MCPH1: variants seen among roughly 807,000 people sequenced by gnomAD.
MCPH1 encodes the protein microcephalin.
MCPH1 carries 104 observed loss-of-function variants against 84.5 expected under a neutral mutation model. The ratio of observed to expected loss-of-function variants is 1.23; its 90% CI spans 1.05 to 1.45. MCPH1 has a LOEUF of 1.45. Ranked by LOEUF, MCPH1 falls within the 40% of genes most tolerant of loss-of-function variation. MCPH1 has a pLI of 0.00. For synonymous variants in MCPH1, 514 were observed against 366.8 expected (o/e 1.40, Z -4.58); for missense variants, 1,498 against 1,005.7 (o/e 1.49, Z -6.62).
At chr8:6,492,804 GTAAT>G (rs1293063559) in intron 11 of MCPH1, among the ~76,000 whole-genome samples, 6 of 150,886 alleles carry the variant, frequency 4.0e-5, no homozygotes, top group South Asian at 4.2e-4. Context: ...ATTGAGTTAA[GTAAT>G]TAATTGATTA....
chr8:6,560,431 AAAAC>A (rs749097385), intron 12 of MCPH1, among the ~76,000 whole-genome samples: 2 of 152,206 alleles, frequency 1.3e-5, no homozygotes, highest in African/African-American at 4.8e-5. Flanking sequence ...ACACAGGAGA[AAAAC>A]AAACAGTGAG....
intron 13 of MCPH1, among the ~76,000 whole-genome samples, chr8:6,630,853 T>C (rs1459994000): frequency 2.0e-5 from 3 of 151,432 alleles, no homozygotes; most frequent in Non-Finnish European, 4.4e-5. Flanking sequence ...AGTAACAATT[T>C]GAAAAAGTCA....
At chr8:6,626,180 C>T (rs1467339801) in intron 13 of MCPH1, 2 of 985,232 alleles carry the variant, frequency 2.0e-6, no homozygotes, top group Admixed American at 6.1e-5. Flanking sequence ...CCTCAGCTCG[C>T]CCGCCACCCC....
chr8:6,514,667 A>G (rs770598409), intron 12 of MCPH1: 1 of 1,612,136 alleles, frequency 6.2e-7, no homozygotes, highest in African/African-American at 1.3e-5. Flanking sequence ...GCCTTAAAGA[A>G]TGTCCTTACC....
chr8:6,623,941 G>A (rs1337963242), intron 13 of MCPH1, among the ~76,000 whole-genome samples: 1 of 152,232 alleles, frequency 6.6e-6, no homozygotes. Context: ...TATCCACAGT[G>A]CATATCAACA....
At chr8:6,418,683 G>T (rs150478679) in intron 3 of MCPH1, among the ~76,000 whole-genome samples, 57 of 152,220 alleles carry the variant, frequency 3.7e-4, no homozygotes, top group African/African-American at 1.2e-3. Flanking sequence ...CCCTGGTTCA[G>T]CGATTCTCCT....
intron 11 of MCPH1, among the ~76,000 whole-genome samples, chr8:6,488,670 A>C (rs968789146): frequency 3.9e-5 from 6 of 152,262 alleles, no homozygotes; most frequent in African/African-American, 1.4e-4. Context: ...GGGAGTGAGG[A>C]GGACAGGTGT....
In MCPH1 at chr8:6,645,651, T is replaced by A. The variant is rs935050608; in HGVS notation, c.*2602T>A. ...AGCCCTACAAGAACTTATAACAAGT[T>A]TAGCAAGATTGCAATATACAATCTT... On this transcript the variant is annotated 3_prime_UTR_variant, in exon 14 of 14. Transcript: ENST00000344683. The A allele has an allele frequency of 6.8e-6, 1 of 146,182 alleles. No homozygotes were observed. Among genetic ancestry groups the A allele is most frequent in the African/African-American group, 2.5e-5 (1 of 39,726 alleles). 9.1% of individuals were successfully genotyped at this position (146,182 alleles called of 1,614,324 possible).
intron 12 of MCPH1, chr8:6,562,756 T>C: frequency 1.9e-6 from 3 of 1,613,878 alleles, no homozygotes; most frequent in South Asian, 1.1e-5. Context: ...ATTGGACACG[T>C]AGGGGCTGGA....
chr8:6,615,028 C>G (rs1467730161), intron 12 of MCPH1, among the ~76,000 whole-genome samples: 4 of 152,234 alleles, frequency 2.6e-5, no homozygotes, highest in Non-Finnish European at 5.9e-5. Context: ...TCCCCAGTAA[C>G]CACGCTCACA....
intron 12 of MCPH1, among the ~76,000 whole-genome samples, chr8:6,583,799 C>T (rs1202159930): frequency 6.8e-6 from 1 of 147,832 alleles, no homozygotes; most frequent in Admixed American, 6.8e-5. Context: ...AATAGAGCCT[C>T]ATGGTCTCGG....
intron 8 of MCPH1, among the ~76,000 whole-genome samples, chr8:6,453,912 G>A (rs1805384861): frequency 6.6e-6 from 1 of 152,048 alleles, no homozygotes; most frequent in Non-Finnish European, 1.5e-5. Flanking sequence ...GTAGGTTTGT[G>A]GTTTAGAACT....
chr8:6,553,251 C>G (rs1374292049), intron 12 of MCPH1, among the ~76,000 whole-genome samples: 1 of 152,058 alleles, frequency 6.6e-6, no homozygotes, highest in Non-Finnish European at 1.5e-5. Context: ...GGCTGTGAAC[C>G]TAAAACTGCT....
At chr8:6,407,920 A>T (rs1036592948) in intron 1 of MCPH1, among the ~76,000 whole-genome samples, 1 of 152,166 alleles carries the variant, frequency 6.6e-6, no homozygotes, top group African/African-American at 2.4e-5. Context: ...TCACATTCAC[A>T]TTTCCTTCTC....
chr8:6,423,304 A>G (rs1585660232), intron 3 of MCPH1, among the ~76,000 whole-genome samples: 1 of 142,760 alleles, frequency 7.0e-6, no homozygotes, highest in East Asian at 2.1e-4. Flanking sequence ...AGCTGGGACT[A>G]CAGGCGCCCG....
intron 9 of MCPH1, among the ~76,000 whole-genome samples, chr8:6,456,924 C>T (rs542261207): frequency 6.6e-6 from 1 of 152,244 alleles, no homozygotes. Context: ...AGGCATCTCA[C>T]TGTAAATGGC....
At chr8:6,431,439 G>T (rs1328506875) in intron 3 of MCPH1, 60 bp from the exon 4 acceptor site, 6 of 1,240,110 alleles carry the variant, frequency 4.8e-6, no homozygotes, top group Non-Finnish European at 7.1e-6. Context: ...CAGATTTAGT[G>T]CTGTGTCAAT....
At chr8:6,479,601 AT>A (rs1040478206) in intron 10 of MCPH1, among the ~76,000 whole-genome samples, 5 of 151,590 alleles carry the variant, frequency 3.3e-5, no homozygotes, top group African/African-American at 1.2e-4. Context: ...CGCCCGGCTA[AT>A]TTTTTTGTTT....
intron 11 of MCPH1, among the ~76,000 whole-genome samples, chr8:6,481,204 G>C (rs1809194155): frequency 6.6e-6 from 1 of 152,222 alleles, no homozygotes; most frequent in Non-Finnish European, 1.5e-5. Flanking sequence ...TTTCCTCTAT[G>C]TGTGACCAAG....
Sources: gnomAD v4.1 joint callset for allele counts (sites outside exome capture counted in the v4.1 genomes callset) on GRCh38, gnomAD v4.1.1 for gene constraint, MANE v1.5 for transcripts, NCBI Gene and HGNC (gene_info 2026-07-23, HGNC 2026-07-21) for gene names.